The following CFAP44 variants were observed in gnomAD, a reference collection of about 807,000 sequenced individuals.
CFAP44 encodes cilia- and flagella-associated protein 44.
Under a neutral mutation model 216.2 loss-of-function variants are expected in CFAP44, and 134 were observed. That is an observed-to-expected ratio of 0.62 (90% CI 0.54 to 0.72). The LOEUF is 0.72. CFAP44 is among the 30% of genes least tolerant of loss of function. The pLI, the probability that CFAP44 is intolerant of heterozygous loss-of-function variation, is 0.00. For synonymous variants in CFAP44, 700 were observed against 727.6 expected (o/e 0.96, Z 0.61); for missense variants, 2,035 against 2,182.1 (o/e 0.93, Z 1.34).
Position 113,433,634 on chromosome 3 carries a change from CATCAGT to C in CFAP44, c.25_30del (p.Thr9_Asp10del). 6.2e-7 allele frequency: 1 copy of C among 1,613,212 alleles called. No individual in the cohort carries two copies. The highest frequency in any genetic ancestry group is 8.5e-7 in the Non-Finnish European group (1 of 1,179,816). On this transcript the variant is annotated inframe_deletion, in exon 2 of 35. Transcript: ENST00000393845. ...CTCTTTGATGTAACTGATTTCTCCC[CATCAGT>C]ATCCTGATCATCTGGTTCCTTCATT... is the stretch of plus-strand genomic sequence containing the variant.
At chr3:113,412,286 T>G (rs938231608) in intron 6 of CFAP44, among the ~76,000 whole-genome samples, 2 of 151,566 alleles carry the variant, frequency 1.3e-5, no homozygotes, top group African/African-American at 4.8e-5. Context: ...TTAATAAACT[T>G]GTTTTCATTT....
intron 15 of CFAP44, among the ~76,000 whole-genome samples, chr3:113,383,068 G>T (rs1933556079): frequency 1.3e-5 from 2 of 152,202 alleles, no homozygotes; most frequent in African/African-American, 4.8e-5. Context: ...GATTACTATA[G>T]GCAAATATAA....
chr3:113,434,295 G>T (rs1479158435), intron 1 of CFAP44, among the ~76,000 whole-genome samples: 1 of 152,106 alleles, frequency 6.6e-6, no homozygotes, highest in Non-Finnish European at 1.5e-5. Context: ...TTTGAGACAT[G>T]GATGATGGTC....
intron 21 of CFAP44, among the ~76,000 whole-genome samples, chr3:113,361,502 T>G (rs1351346094): frequency 3.3e-5 from 5 of 151,134 alleles, no homozygotes; most frequent in African/African-American, 1.2e-4. Context: ...TGTTTTGTTT[T>G]TTTTTTTTTT....
At position 113,385,573 on chromosome 3, in the gene CFAP44, G is replaced by C. The variant is rs1204576296; in HGVS notation, c.1891-4513C>G. Reference sequence around the variant, plus strand: ...AATGTGTATTCTACAGCTGTCGGTGGACTGCTCTGAACACATCTGTTAGGG... The same window carrying C: ...AATGTGTATTCTACAGCTGTCGGTGCACTGCTCTGAACACATCTGTTAGGG... On this transcript the variant is annotated intron_variant, in intron 15 of 34. Coordinates refer to ENST00000393845, the MANE Select transcript of CFAP44 (RefSeq NM_001164496.2). 5.3e-5 allele frequency among the ~76,000 whole-genome samples: 8 copies of C among 152,192 alleles called. No individual in the cohort carries two copies. The South Asian group carries it at 1.7e-3, about 32-fold the overall frequency.
intron 6 of CFAP44, among the ~76,000 whole-genome samples, chr3:113,412,715 A>G (rs897031050): frequency 2.0e-5 from 3 of 152,056 alleles, no homozygotes; most frequent in Non-Finnish European, 4.4e-5. Context: ...ATTCCTTTTT[A>G]TGGCTACATA....
intron 28 of CFAP44, among the ~76,000 whole-genome samples, chr3:113,324,415 C>G (rs967661402): frequency 1.3e-5 from 2 of 152,066 alleles, no homozygotes; most frequent in African/African-American, 4.8e-5. Context: ...GAATTTTGCA[C>G]TATGCCAAGG....
intron 28 of CFAP44, among the ~76,000 whole-genome samples, chr3:113,322,621 T>C (rs1017426769): frequency 1.3e-5 from 2 of 152,206 alleles, no homozygotes; most frequent in Non-Finnish European, 2.9e-5. Context: ...GGAGCACTTA[T>C]ACACCATTAG....
chr3:113,359,939 C>A (rs956457900), intron 21 of CFAP44, among the ~76,000 whole-genome samples: 7 of 152,138 alleles, frequency 4.6e-5, no homozygotes, highest in Non-Finnish European at 7.4e-5. Flanking sequence ...CGGGTACTGT[C>A]TTTTCAACAG....
At position 113,427,461 on chromosome 3, in the gene CFAP44, T is replaced by A. The variant is rs554190957; in HGVS notation, c.101-122A>T. ...AATAAATCTAATACATACTCAAAAA[T>A]TTCTAGAAGAATCATTTTATTTGGT... On this transcript the variant is annotated intron_variant, in intron 2 of 34. Coordinates refer to ENST00000393845, the MANE Select transcript of CFAP44 (RefSeq NM_001164496.2). 7.4e-6 allele frequency: 5 copies of A among 677,162 alleles called. No individual in the cohort carries two copies. In the South Asian group the frequency reaches 9.2e-5, roughly 12 times the overall value. 41.9% of individuals were successfully genotyped at this position (677,162 alleles called of 1,614,324 possible). A position where few individuals can be genotyped will look rare whatever the true frequency, so the allele number is the denominator to read the frequency against.
Position 113,358,880 on chromosome 3 carries a change from A to G in CFAP44, c.2935-5T>C. On this transcript the variant is annotated splice_region_variant and splice_polypyrimidine_tract_variant and intron_variant, in intron 21 of 34. Transcript: ENST00000393845. ...TTGGGAATCTACATCAAAATCCTGC[A>G]GATAAGAAGATCTGTTCATCAAAAT... 6.5e-7 allele frequency: 1 copy of G among 1,535,564 alleles called. No homozygotes were observed. The highest frequency in any genetic ancestry group is 1.4e-5 in the African/African-American group (1 of 73,078).
intron 4 of CFAP44, among the ~76,000 whole-genome samples, chr3:113,423,402 G>T (rs1934873828): frequency 6.6e-6 from 1 of 152,072 alleles, no homozygotes; most frequent in Non-Finnish European, 1.5e-5. Context: ...AGCCTCCCAA[G>T]GTGCTAGGAG....
chr3:113,365,730 T>C (rs1950580579), intron 19 of CFAP44, among the ~76,000 whole-genome samples: 1 of 151,920 alleles, frequency 6.6e-6, no homozygotes, highest in South Asian at 2.1e-4. Flanking sequence ...TCTGAAAAAA[T>C]TGCAAACTTT....
chr3:113,377,487 C>T (rs909697753), intron 17 of CFAP44, among the ~76,000 whole-genome samples: 1 of 152,090 alleles, frequency 6.6e-6, no homozygotes, highest in African/African-American at 2.4e-5. Context: ...CCTAACATTT[C>T]CATGCCTTGG....
intron 34 of CFAP44, among the ~76,000 whole-genome samples, chr3:113,292,350 A>G (rs1336426402): frequency 6.6e-6 from 1 of 152,222 alleles, no homozygotes; most frequent in African/African-American, 2.4e-5. Context: ...TAGCATGACC[A>G]AAGTGCTTGT....
At chr3:113,398,794 A>C (rs1221949892) in intron 13 of CFAP44, among the ~76,000 whole-genome samples, 2 of 152,200 alleles carry the variant, frequency 1.3e-5, no homozygotes, top group Non-Finnish European at 2.9e-5. Context: ...AAGATTAAAT[A>C]TTTCCCCAAA....
intron 29 of CFAP44, 45 bp downstream of exon 29, chr3:113,308,113 C>A: frequency 7.0e-7 from 1 of 1,432,322 alleles, no homozygotes; most frequent in Non-Finnish European, 9.3e-7. Flanking sequence ...TATTGCCAAT[C>A]AATATTCACA....
Position 113,406,998 on chromosome 3 carries a change from C to T in CFAP44, c.934G>A (p.Gly312Arg). The T allele has an allele frequency of 3.1e-6, 5 of 1,614,092 alleles. No homozygotes were observed. The highest frequency in any genetic ancestry group is 4.2e-6 in the Non-Finnish European group (5 of 1,180,020). ...AFTFTGLKLQ[G>R]SLGRFGKTIT... ...GTTTTGCCAAATCGACCTAGTGATC[C>T]CTGCAGCTTGAGACCGGTGAACGTA... Residue 312 changes from glycine (G) to arginine (R), a missense_variant, in exon 8 of 35, where the codon GGA becomes AGA. Around this residue, in one of 3 missense-constraint regions of CFAP44, gnomAD observed 1,883 missense variants for 2,023.7 expected, o/e 0.93. Coordinates refer to ENST00000393845, the MANE Select transcript of CFAP44 (RefSeq NM_001164496.2).
intron 15 of CFAP44, 106 bp from the exon 16 acceptor site, chr3:113,381,166 T>A: frequency 1.4e-6 from 1 of 735,552 alleles, no homozygotes; most frequent in Non-Finnish European, 1.9e-6. Context: ...TAGCCATGTT[T>A]AAAACACACT....
Sources: gnomAD v4.1 joint callset for allele counts (sites outside exome capture counted in the v4.1 genomes callset) on GRCh38, gnomAD v4.1.1 for gene constraint, gnomAD v4.1.1 regional missense constraint, MANE v1.5 for transcripts, NCBI Gene and HGNC (gene_info 2026-07-23, HGNC 2026-07-21) for gene names.